Variants in HMGB1 observed in about 807,000 individuals in gnomAD.
HMGB1 encodes high mobility group protein B1.
For synonymous variants in HMGB1, 81 were observed against 84.0 expected, an observed-to-expected ratio of 0.96 and a Z score of 0.19; for missense variants, 79 against 253.5, an observed-to-expected ratio of 0.31 and a Z score of 4.67.
intron 1 of HMGB1, among the ~76,000 whole-genome samples, chr13:30,524,793 C>T (rs372638090): frequency 1.8e-5 from 1 of 55,800 alleles, no homozygotes; most frequent in South Asian, 4.7e-4. Flanking sequence ...ATATTTATGT[C>T]TGTAACCATC....
chr13:30,526,568 T>TA (rs1888372419), intron 1 of HMGB1, among the ~76,000 whole-genome samples: 4 of 151,828 alleles, frequency 2.6e-5, no homozygotes, highest in Admixed American at 2.6e-4. Flanking sequence ...CCAGATAACC[T>TA]AAAAAAAATT....
At chr13:30,522,868 G>A (rs1470687239) in intron 1 of HMGB1, among the ~76,000 whole-genome samples, 1 of 151,980 alleles carries the variant, frequency 6.6e-6, no homozygotes, top group African/African-American at 2.4e-5. Context: ...AGCATGCACT[G>A]CCGTGCCTGG....
chr13:30,462,791 A>T, intron 3 of HMGB1, 79 bp from the exon 4 acceptor site: 1 of 1,144,828 alleles, frequency 8.7e-7, no homozygotes, highest in Non-Finnish European at 1.3e-6. Context: ...CTGCATTGCT[A>T]TTTAAAGCTG....
At chr13:30,523,795 C>T (rs1375879744) in intron 1 of HMGB1, among the ~76,000 whole-genome samples, 1 of 150,114 alleles carries the variant, frequency 6.7e-6, no homozygotes, top group African/African-American at 2.5e-5. Context: ...GGCTGGAGTG[C>T]AGTGGTGCCA....
intron 1 of HMGB1, among the ~76,000 whole-genome samples, chr13:30,519,943 A>G (rs1393592824): frequency 6.6e-6 from 1 of 152,202 alleles, no homozygotes; most frequent in Non-Finnish European, 1.5e-5. Context: ...GCTCTTTTAG[A>G]CTTAGATTTT....
chr13:30,560,378 GA>G lies in HMGB1; in HGVS notation c.-15+56292del, dbSNP rs1339776414. On this transcript the variant is annotated intron_variant, in intron 1 of 4. Transcript: ENST00000405805. ...TGAAGCTTATCGGTAGCCTTAGCGA[GA>G]ACAATTCCATCAGGGAGCAGAAGCT... Among the ~76,000 whole-genome samples the G allele has an allele frequency of 2.0e-5, 3 of 152,178 alleles. No homozygotes were observed. The East Asian group carries it at 5.8e-4, about 29-fold the overall frequency.
intron 1 of HMGB1, among the ~76,000 whole-genome samples, chr13:30,538,599 T>C (rs185834530): frequency 4.3e-5 from 6 of 140,590 alleles, no homozygotes; most frequent in African/African-American, 1.5e-4. Context: ...TCTTTCTTCT[T>C]TTTCTTTCTT....
At chr13:30,604,893 C>T (rs546153393) in intron 1 of HMGB1, among the ~76,000 whole-genome samples, 4 of 152,228 alleles carry the variant, frequency 2.6e-5, no homozygotes, top group East Asian at 1.9e-4. Flanking sequence ...CTCCTGATCC[C>T]GTGATCCACC....
rs555695837 is a variant in HMGB1, at chr13:30,458,150, A to G, written c.*3207T>C. 2.6e-5 allele frequency: 4 copies of G among 151,916 alleles called. No homozygotes were observed. In the South Asian group the frequency reaches 8.3e-4, roughly 31 times the overall value. 9.4% of individuals were successfully genotyped at this position (151,916 alleles called of 1,614,324 possible). A position where few individuals can be genotyped will look rare whatever the true frequency, so the allele number is the denominator to read the frequency against. On this transcript the variant is annotated 3_prime_UTR_variant, in exon 5 of 5. Transcript: ENST00000341423. The stretch of plus-strand genomic sequence containing the variant: ...AAGTGTCTTACTGCTACTGAAAGCT[A>G]TCAGACCCTTTCAGGAGGCGTGTTG...
chr13:30,462,964 A>G (rs1323252437), intron 3 of HMGB1, among the ~76,000 whole-genome samples: 1 of 152,244 alleles, frequency 6.6e-6, no homozygotes, highest in African/African-American at 2.4e-5. Context: ...ATTTTTCAAG[A>G]AATAAAAAGA....
upstream of HMGB1, among the ~76,000 whole-genome samples, chr13:30,466,493 T>C (rs1188332427): frequency 2.0e-5 from 3 of 152,094 alleles, no homozygotes; most frequent in Non-Finnish European, 4.4e-5. Context: ...ACACTTTAGG[T>C]CTCTGGAAAG....
At chr13:30,461,930 C>T (rs61949684) in intron 4 of HMGB1, among the ~76,000 whole-genome samples, 5 of 150,912 alleles carry the variant, frequency 3.3e-5, no homozygotes, top group African/African-American at 9.7e-5. Context: ...GAAATGTGGT[C>T]TTAAAAAAAA....
chr13:30,546,160 G>A (rs767527008), intron 1 of HMGB1, among the ~76,000 whole-genome samples: 2 of 152,240 alleles, frequency 1.3e-5, no homozygotes, highest in Non-Finnish European at 2.9e-5. Context: ...TCTGTTGCCA[G>A]GCTGGAGTTC....
intron 1 of HMGB1, among the ~76,000 whole-genome samples, chr13:30,610,843 C>T (rs966909217): frequency 1.3e-5 from 2 of 151,876 alleles, no homozygotes; most frequent in Admixed American, 1.3e-4. Context: ...AAAAACAGTC[C>T]CCATTTTAAC....
At chr13:30,546,672 ATGGGGTCT>A (rs1234911709) in intron 1 of HMGB1, among the ~76,000 whole-genome samples, 1 of 151,250 alleles carries the variant, frequency 6.6e-6, no homozygotes, top group African/African-American at 2.4e-5. Flanking sequence ...CTTCTTAGAG[ATGGGGTCT>A]TGCTATGTTG....
chr13:30,546,091 G>GC (rs2137507347), intron 1 of HMGB1, among the ~76,000 whole-genome samples: 1 of 152,150 alleles, frequency 6.6e-6, no homozygotes, highest in African/African-American at 2.4e-5. Flanking sequence ...AAGTTCTATG[G>GC]CACACTGCTG....
intron 1 of HMGB1, among the ~76,000 whole-genome samples, chr13:30,571,088 A>AT (rs1472735177): frequency 6.6e-6 from 1 of 152,216 alleles, no homozygotes. Flanking sequence ...ATTTAAAAGA[A>AT]TAAGAGTAGC....
chr13:30,581,979 C>A (rs1870919519), intron 1 of HMGB1, among the ~76,000 whole-genome samples: 1 of 152,062 alleles, frequency 6.6e-6, no homozygotes, highest in African/African-American at 2.4e-5. Context: ...GATAGAATCA[C>A]TGTATCATGG....
At chr13:30,553,964 G>C (rs1869554845) in intron 1 of HMGB1, 5 of 1,483,282 alleles carry the variant, frequency 3.4e-6, no homozygotes, top group Non-Finnish European at 4.7e-6. Flanking sequence ...GCCATTTCTG[G>C]CTTACGGTTT....
Sources: gnomAD v4.1 joint callset for allele counts (sites outside exome capture counted in the v4.1 genomes callset) on GRCh38, gnomAD v4.1.1 for gene constraint, MANE v1.5 for transcripts, NCBI Gene and HGNC (gene_info 2026-07-23, HGNC 2026-07-21) for gene names.